DCHS2: variants seen among roughly 807,000 people sequenced by gnomAD.
DCHS2 encodes dachsous cadherin-related 2.
DCHS2 carries 142 observed loss-of-function variants against 182.4 expected under a neutral mutation model. The ratio of observed to expected loss-of-function variants is 0.78; its 90% CI spans 0.68 to 0.89. The LOEUF is 0.89. Ranked by LOEUF, DCHS2 falls within the 40% of genes least tolerant of loss-of-function variation. The pLI is 0.00. For synonymous variants in DCHS2, 1,740 were observed against 1,663.3 expected (o/e 1.05, Z -1.12); for missense variants, 4,319 against 4,198.6 (o/e 1.03, Z -0.79).
intron 3 of DCHS2, among the ~76,000 whole-genome samples, chr4:154,356,471 G>A (rs1245358959): frequency 6.6e-6 from 1 of 152,148 alleles, no homozygotes; most frequent in East Asian, 1.9e-4. Context: ...CTACAGTAGT[G>A]TACAGTAATG....
intron 1 of DCHS2, among the ~76,000 whole-genome samples, chr4:154,483,359 G>C (rs1027586043): frequency 6.6e-6 from 1 of 152,218 alleles, no homozygotes; most frequent in South Asian, 2.1e-4. Flanking sequence ...TGTGATCAGA[G>C]AGTGAGATGA....
At chr4:154,292,354 T>G (rs1309538442) in intron 13 of DCHS2, among the ~76,000 whole-genome samples, 1 of 152,194 alleles carries the variant, frequency 6.6e-6, no homozygotes, top group Non-Finnish European at 1.5e-5. Flanking sequence ...TGATTTCACT[T>G]TTTCACTCTG....
Position 154,321,255 on chromosome 4 carries a change from G to T in DCHS2, c.4177-33C>A. On this transcript the variant is annotated intron_variant, in intron 8 of 19. Coordinates refer to ENST00000357232, the MANE Select transcript of DCHS2 (RefSeq NM_001358235.2). ...ACGAATAAAAGAGATATTAATTTGG[G>T]GTATTTTTAAAACAGTTTAATGAAT... 7.0e-6 allele frequency: 10 copies of T among 1,433,682 alleles called. No individual in the cohort carries two copies. In the South Asian group the frequency reaches 7.1e-5, roughly 10 times the overall value. 88.8% of individuals were successfully genotyped at this position (1,433,682 alleles called of 1,614,324 possible). A position where few individuals can be genotyped will look rare whatever the true frequency, so the allele number is the denominator to read the frequency against.
chr4:154,418,195 T>C (rs1409734641), intron 1 of DCHS2, among the ~76,000 whole-genome samples: 1 of 152,216 alleles, frequency 6.6e-6, no homozygotes, highest in African/African-American at 2.4e-5. Flanking sequence ...TCAGAATAAA[T>C]GTGAAAACCA....
chr4:154,464,452 T>C (rs763185352), intron 1 of DCHS2, among the ~76,000 whole-genome samples: 1 of 152,016 alleles, frequency 6.6e-6, no homozygotes, highest in African/African-American at 2.4e-5. Flanking sequence ...TAGAAAAAAA[T>C]CAAAATGTGT....
At chr4:154,321,285 G>C in intron 8 of DCHS2, 63 bp from the exon 9 acceptor site, 1 of 1,378,948 alleles carries the variant, frequency 7.3e-7, no homozygotes. Flanking sequence ...ATGAATAAAT[G>C]TAATAATATT....
intron 13 of DCHS2, among the ~76,000 whole-genome samples, chr4:154,278,820 C>T (rs777946997): frequency 1.3e-5 from 2 of 151,952 alleles, no homozygotes; most frequent in Non-Finnish European, 2.9e-5. Context: ...GGTGACTTTC[C>T]TAGATAAACA....
At chr4:154,430,832 C>A (rs996146961) in intron 1 of DCHS2, among the ~76,000 whole-genome samples, 1 of 152,178 alleles carries the variant, frequency 6.6e-6, no homozygotes, top group African/African-American at 2.4e-5. Context: ...AAAAGACCAT[C>A]CTACCCTGTG....
chr4:154,361,083 A>G (rs556844624), intron 3 of DCHS2, among the ~76,000 whole-genome samples: 1 of 149,386 alleles, frequency 6.7e-6, no homozygotes, highest in East Asian at 1.9e-4. Context: ...CATTCTGTTT[A>G]TGACTTTTAT....
At chr4:154,445,369 GC>G (rs1391150090) in intron 1 of DCHS2, among the ~76,000 whole-genome samples, 1 of 152,202 alleles carries the variant, frequency 6.6e-6, no homozygotes, top group Non-Finnish European at 1.5e-5. Context: ...AACAAAGGAG[GC>G]AATTTCCCAG....
chr4:154,330,358 A>T (rs567310715), intron 5 of DCHS2, among the ~76,000 whole-genome samples: 1 of 133,148 alleles, frequency 7.5e-6, no homozygotes, highest in Non-Finnish European at 1.7e-5. Flanking sequence ...GTGGATAGTG[A>T]CTTCCTATAA....
rs769316170 is a variant in DCHS2, at chr4:154,489,439, T to C, written c.1917A>G (p.Gly639=). ...VELKVVAQDL[G]EPPLSATCLV... ...GGCAGGTGGCAGAGAGTGGGGGCTC[T>C]CCGAGGTCCTGGGCCACCACTTTCA... Residue 639 remains glycine (G), a synonymous_variant, in exon 1 of 20, where the codon GGA becomes GGG. Coordinates refer to ENST00000357232, the MANE Select transcript of DCHS2 (RefSeq NM_001358235.2). The C allele has an allele frequency of 1.2e-5, 18 of 1,551,628 alleles. No homozygotes were observed. In the South Asian group the frequency reaches 2.1e-4, roughly 18 times the overall value.
chr4:154,417,198 TGTGTGTGAGAGAGA>T lies in DCHS2; in HGVS notation c.2053-39768_2053-39755del, dbSNP rs1171041805. Among the ~76,000 whole-genome samples the T allele has an allele frequency of 2.6e-3, 172 of 65,346 alleles. 2 individuals carry two copies. Among genetic ancestry groups the T allele is most frequent in the African/African-American group, 6.1e-3 (102 of 16,662 alleles). The allele number at this position is 65,346 out of a possible 152,430, so 42.9% of individuals were successfully genotyped here. A position where few individuals can be genotyped will look rare whatever the true frequency, so the allele number is the denominator to read the frequency against. On this transcript the variant is annotated intron_variant, in intron 1 of 19. Transcript: ENST00000357232. Reference sequence around the variant, plus strand: ...GTGTGTGTGTGTGTGTGTGTGTGTGTGTGTGTGAGAGAGAGAGAGAGAGAGAGAGAGAGAGAGAG... The same window carrying T: ...GTGTGTGTGTGTGTGTGTGTGTGTGTGAGAGAGAGAGAGAGAGAGAGAGAG...
intron 14 of DCHS2, 81 bp downstream of exon 14, chr4:154,269,819 C>G: frequency 6.5e-7 from 1 of 1,533,912 alleles, no homozygotes; most frequent in Non-Finnish European, 8.8e-7. Flanking sequence ...TTAGCTCTAA[C>G]AATTTCTACT....
At chr4:154,435,916 G>T (rs1036988253) in intron 1 of DCHS2, among the ~76,000 whole-genome samples, 2 of 152,194 alleles carry the variant, frequency 1.3e-5, no homozygotes, top group Non-Finnish European at 2.9e-5. Context: ...TGAAGGTCAA[G>T]GCAGAGTGGA....
intron 1 of DCHS2, among the ~76,000 whole-genome samples, chr4:154,461,604 T>C (rs1330972140): frequency 2.0e-5 from 3 of 152,166 alleles, no homozygotes; most frequent in Non-Finnish European, 4.4e-5. Context: ...GAATAGAAGG[T>C]ATATAGGTTA....
At chr4:154,250,391 T>C (rs1732293320) in intron 16 of DCHS2, among the ~76,000 whole-genome samples, 1 of 152,166 alleles carries the variant, frequency 6.6e-6, no homozygotes. Context: ...CCTAGGTAAT[T>C]CATTTTACAC....
intron 12 of DCHS2, among the ~76,000 whole-genome samples, chr4:154,299,970 C>T (rs980419041): frequency 1.3e-5 from 2 of 152,226 alleles, no homozygotes; most frequent in African/African-American, 4.8e-5. Context: ...GCACATAGTC[C>T]TATGTTAGTA....
intron 3 of DCHS2, among the ~76,000 whole-genome samples, chr4:154,359,774 A>T (rs1018154383): frequency 2.6e-4 from 39 of 152,214 alleles, no homozygotes; most frequent in African/African-American, 3.9e-4. Flanking sequence ...TGAGAATTTT[A>T]AAAAATTCTT....
Sources: allele counts gnomAD v4.1 joint callset (sites outside exome capture counted in the v4.1 genomes callset), GRCh38; gene constraint gnomAD v4.1.1; transcripts MANE v1.5; gene names NCBI Gene and HGNC (gene_info 2026-07-23, HGNC 2026-07-21).